Variants in AKT3 observed in about 807,000 individuals in gnomAD.
AKT3 encodes the protein RAC-gamma serine/threonine-protein kinase.
A neutral mutation model predicts 65.3 loss-of-function variants in AKT3; 15 were observed. The observed-to-expected ratio is 0.23, with a 90% confidence interval of 0.15 to 0.35. The LOEUF (loss-of-function observed/expected upper bound fraction) is 0.35, where lower values mean the gene tolerates loss of function less well. Among genes scored for constraint, AKT3 ranks in the 10% least tolerant of loss-of-function variants. The pLI, the probability that AKT3 is intolerant of heterozygous loss-of-function variation, is 1.00. For synonymous variants in AKT3, 206 were observed against 183.8 expected (o/e 1.12, Z -0.98); for missense variants, 243 against 576.5 (o/e 0.42, Z 5.92).
At chr1:243,498,802 A>G (rs1353109413), downstream of AKT3, among the ~76,000 whole-genome samples, 13 of 152,226 alleles carry the variant, frequency 8.5e-5, no homozygotes, top group Admixed American at 8.5e-4. Context: ...GGAGAGGGGC[A>G]GGCCCACTTC....
At chr1:243,614,158 C>CT (rs1254664274) in intron 7 of AKT3, among the ~76,000 whole-genome samples, 1 of 152,108 alleles carries the variant, frequency 6.6e-6, no homozygotes. Context: ...GACAACATCA[C>CT]TTTTTGCATA....
In AKT3 at chr1:243,563,590, A is replaced by G; in HGVS notation, c.948+130T>C. ...CCCCATTATAACAAATTAAGAGCCA[A>G]AAAATTTTGATTCAGGTTGAAATAT... On this transcript the variant is annotated intron_variant, in intron 10 of 13. Transcript: ENST00000673466. 2.5e-6 allele frequency: 3 copies of G among 1,200,650 alleles called. No individual in the cohort carries two copies. The South Asian group carries it at 6.1e-5, about 24-fold the overall frequency. The allele number at this position is 1,200,650 out of a possible 1,614,324, so 74.4% of individuals were successfully genotyped here.
chr1:243,632,159 T>C (rs780840130), intron 6 of AKT3, among the ~76,000 whole-genome samples: 4 of 152,206 alleles, frequency 2.6e-5, no homozygotes, highest in Admixed American at 6.5e-5. Context: ...CTTGGATCTA[T>C]CAGCAGAGGA....
At chr1:243,677,857 C>T (rs1462586598) in intron 3 of AKT3, among the ~76,000 whole-genome samples, 5 of 152,024 alleles carry the variant, frequency 3.3e-5, no homozygotes, top group African/African-American at 7.2e-5. Flanking sequence ...GAGACTGAGG[C>T]GGGTGGATTA....
intron 2 of AKT3, among the ~76,000 whole-genome samples, chr1:243,823,876 T>C (rs917862951): frequency 2.0e-5 from 3 of 152,112 alleles, no homozygotes; most frequent in African/African-American, 2.4e-5. Context: ...TGAACTACCA[T>C]TGACTTTCCT....
At chr1:243,629,670 T>C (rs1029725602) in intron 6 of AKT3, among the ~76,000 whole-genome samples, 1 of 152,064 alleles carries the variant, frequency 6.6e-6, no homozygotes, top group Non-Finnish European at 1.5e-5. Flanking sequence ...TGGGCACCTG[T>C]AGTCCCAGCT....
At chr1:243,509,858 T>C (rs972745254) in intron 13 of AKT3, among the ~76,000 whole-genome samples, 8 of 151,950 alleles carry the variant, frequency 5.3e-5, no homozygotes, top group Non-Finnish European at 1.0e-4. Flanking sequence ...TGCTCCCTGC[T>C]TTTCCAGGGG....
chr1:243,540,250 G>A (rs1672217122), intron 12 of AKT3, among the ~76,000 whole-genome samples: 2 of 152,070 alleles, frequency 1.3e-5, no homozygotes, highest in African/African-American at 4.8e-5. Context: ...TCATGAACAA[G>A]TGGTTTTTTT....
intron 2 of AKT3, among the ~76,000 whole-genome samples, chr1:243,771,341 A>C (rs1553449179): frequency 6.6e-6 from 1 of 152,130 alleles, no homozygotes; most frequent in Non-Finnish European, 1.5e-5. Flanking sequence ...GAGGGCACAG[A>C]CCATGTGTTT....
At chr1:243,552,678 A>C in intron 11 of AKT3, 51 bp downstream of exon 11, 1 of 1,520,530 alleles carries the variant, frequency 6.6e-7, no homozygotes, top group South Asian at 1.1e-5. Context: ...TCCATATCTC[A>C]ATTTTTAACC....
At chr1:243,664,722 T>C (rs765258981) in intron 4 of AKT3, 50 bp downstream of exon 4, 1 of 868,852 alleles carries the variant, frequency 1.2e-6, no homozygotes, top group Non-Finnish European at 1.7e-6. Flanking sequence ...AAATACATCT[T>C]TAGATTGAGT....
At chr1:243,796,914 T>C (rs776447922) in intron 2 of AKT3, among the ~76,000 whole-genome samples, 1 of 152,126 alleles carries the variant, frequency 6.6e-6, no homozygotes, top group Non-Finnish European at 1.5e-5. Context: ...CATGAGGCAC[T>C]AAAGCAGTCA....
Position 243,760,408 on chromosome 1 carries a change from G to A in AKT3, c.47-64692C>T, listed in dbSNP as rs552775987. On this transcript the variant is annotated intron_variant, in intron 2 of 13. Transcript: ENST00000673466. ...TCCCAAAGTGCTGGGATTACCATGG[G>A]AGCCACCATGCCCAACCCAAGGCTT... Among the ~76,000 whole-genome samples the A allele has an allele frequency of 1.3e-3, 190 of 146,294 alleles. 1 individual carries two copies. The highest frequency in any genetic ancestry group is 2.1e-3 in the Non-Finnish European group (142 of 67,184).
downstream of AKT3, among the ~76,000 whole-genome samples, chr1:243,499,277 A>G (rs909598406): frequency 3.9e-5 from 6 of 152,204 alleles, no homozygotes; most frequent in Non-Finnish European, 5.9e-5. Context: ...GGTTACAATA[A>G]ATTGCTTGCA....
At chr1:243,827,699 G>A (rs1002726632) in intron 2 of AKT3, among the ~76,000 whole-genome samples, 1 of 152,128 alleles carries the variant, frequency 6.6e-6, no homozygotes, top group Non-Finnish European at 1.5e-5. Context: ...GTACGTACTT[G>A]TCGCTTTAGT....
At chr1:243,710,396 G>A (rs993476872) in intron 2 of AKT3, among the ~76,000 whole-genome samples, 1 of 152,124 alleles carries the variant, frequency 6.6e-6, no homozygotes, top group African/African-American at 2.4e-5. Context: ...ATCACCATGT[G>A]CCATTAAACA....
At chr1:243,802,345 C>T (rs1400199923) in intron 2 of AKT3, among the ~76,000 whole-genome samples, 4 of 151,896 alleles carry the variant, frequency 2.6e-5, no homozygotes, top group Non-Finnish European at 5.9e-5. Context: ...GCAGCTGTGA[C>T]GAAAATAGCT....
intron 2 of AKT3, among the ~76,000 whole-genome samples, chr1:243,733,149 AG>A (rs1257364609): frequency 2.0e-5 from 3 of 152,358 alleles, no homozygotes; most frequent in Middle Eastern, 3.4e-3. Context: ...TTTACTGGTA[AG>A]GTATGAAAAG....
intron 2 of AKT3, among the ~76,000 whole-genome samples, chr1:243,698,302 T>C: frequency 6.6e-6 from 1 of 152,026 alleles, no homozygotes; most frequent in East Asian, 1.9e-4. Flanking sequence ...TTAATAATTA[T>C]ACCAAAAATA....
Sources: gnomAD v4.1 joint callset for allele counts (sites outside exome capture counted in the v4.1 genomes callset) on GRCh38, gnomAD v4.1.1 for gene constraint, MANE v1.5 for transcripts, NCBI Gene and HGNC (gene_info 2026-07-23, HGNC 2026-07-21) for gene names.